ALK: variants seen among roughly 807,000 people sequenced by gnomAD.
ALK encodes the protein ALK receptor tyrosine kinase.
Under a neutral mutation model 163.1 loss-of-function variants are expected in ALK, and 74 were observed. That is an observed-to-expected ratio of 0.45 (90% CI 0.38 to 0.55). ALK has a LOEUF of 0.55. Ranked by LOEUF, ALK falls within the 20% of genes least tolerant of loss-of-function variation. The probability of loss-of-function intolerance (pLI) is 0.00; values close to 1 mark genes in which losing one functional copy is unlikely to be tolerated. For missense variants in ALK, 2,063 were observed against 2,105.3 expected (o/e 0.98, Z 0.39); for synonymous variants, 960 against 843.2 (o/e 1.14, Z -2.40).
At chr2:29,415,105 T>G (rs1669838349) in intron 4 of ALK, among the ~76,000 whole-genome samples, 1 of 150,272 alleles carries the variant, frequency 6.7e-6, no homozygotes, top group African/African-American at 2.5e-5. Flanking sequence ...AGTTTGCAAT[T>G]AAGCTTCTTC....
At chr2:29,710,499 C>CGTGTGTGTGTGTGT (rs55939983) in intron 2 of ALK, among the ~76,000 whole-genome samples, 10 of 144,764 alleles carry the variant, frequency 6.9e-5, no homozygotes, top group South Asian at 2.3e-4. Context: ...AGTCTGTGTG[C>CGTGTGTGTGTGTGT]GTGTGTGTGT....
intron 4 of ALK, among the ~76,000 whole-genome samples, chr2:29,455,094 G>A (rs912466289): frequency 3.3e-5 from 5 of 152,100 alleles, no homozygotes; most frequent in African/African-American, 1.2e-4. Context: ...TCACTTCTTC[G>A]CCCCATCTTT....
chr2:29,531,511 TA>T (rs1362516522), intron 4 of ALK, among the ~76,000 whole-genome samples: 1 of 152,190 alleles, frequency 6.6e-6, no homozygotes, highest in Non-Finnish European at 1.5e-5. Context: ...ATGGCCAAAG[TA>T]CTTTGTCCTT....
At chr2:29,373,215 A>G (rs899254486) in intron 5 of ALK, among the ~76,000 whole-genome samples, 1 of 152,230 alleles carries the variant, frequency 6.6e-6, no homozygotes, top group Non-Finnish European at 1.5e-5. Context: ...TAAAACTAAT[A>G]AATACTTTTG....
intron 1 of ALK, among the ~76,000 whole-genome samples, chr2:29,757,651 A>G (rs1558475148): frequency 6.6e-6 from 1 of 151,946 alleles, no homozygotes; most frequent in Non-Finnish European, 1.5e-5. Context: ...AAGCCATAAT[A>G]AACTTTGGAT....
chr2:29,582,644 G>A (rs898699576), intron 3 of ALK, among the ~76,000 whole-genome samples: 2 of 152,140 alleles, frequency 1.3e-5, no homozygotes, highest in Admixed American at 6.6e-5. Flanking sequence ...TCATTCCGAG[G>A]AACAGGATCT....
chr2:29,240,152 C>CAGAG (rs3054022), intron 12 of ALK, among the ~76,000 whole-genome samples: 5,161 of 143,282 alleles, frequency 0.036, 94 homozygotes, highest in African/African-American at 0.055. Context: ...AGGGAAACAG[C>CAGAG]AGAGAGAGAG....
chr2:29,541,767 C>T (rs949347932), intron 3 of ALK, among the ~76,000 whole-genome samples: 3 of 152,200 alleles, frequency 2.0e-5, no homozygotes, highest in African/African-American at 7.2e-5. Context: ...AAAATCTGCA[C>T]TGATGCAACC....
chr2:29,498,614 C>T lies in ALK; in HGVS notation c.1154+33301G>A, dbSNP rs144728014. 3.7e-3 allele frequency among the ~76,000 whole-genome samples: 567 copies of T among 152,114 alleles called. 5 individuals carry two copies. The highest frequency in any genetic ancestry group is 0.013 in the African/African-American group (526 of 41,512). The stretch of plus-strand genomic sequence containing the variant: ...GGGGAGCAGAGGGGCCCCAATGGAG[C>T]GGGGCTCCACTTGCCAAGCCATGGC... On this transcript the variant is annotated intron_variant, in intron 4 of 28. Transcript: ENST00000389048.
chr2:29,679,377 C>T (rs1677993529), intron 3 of ALK, among the ~76,000 whole-genome samples: 1 of 151,630 alleles, frequency 6.6e-6, no homozygotes, highest in African/African-American at 2.4e-5. Context: ...GCACTGAATA[C>T]TTTTCAGCGT....
rs1215966991 is a variant in ALK, at chr2:29,709,931, T to A, written c.787+7647A>T. On this transcript the variant is annotated intron_variant, in intron 2 of 28. Coordinates refer to ENST00000389048, the MANE Select transcript of ALK (RefSeq NM_004304.5). ...CAACATTCCTTCATCTAAAAATTCC[T>A]CACTTCCTTGGCTTTGCTGTTGATA... 2.6e-5 allele frequency among the ~76,000 whole-genome samples: 4 copies of A among 152,286 alleles called. No homozygotes were observed. In the East Asian group the frequency reaches 7.7e-4, roughly 29 times the overall value.
intron 1 of ALK, among the ~76,000 whole-genome samples, chr2:29,734,229 C>T (rs1013624168): frequency 9.9e-5 from 15 of 152,168 alleles, no homozygotes; most frequent in African/African-American, 3.4e-4. Flanking sequence ...CATTATCCCT[C>T]AACCATGTTC....
At chr2:29,629,781 T>TAG (rs1676304054) in intron 3 of ALK, among the ~76,000 whole-genome samples, 1 of 152,210 alleles carries the variant, frequency 6.6e-6, no homozygotes, top group Non-Finnish European at 1.5e-5. Flanking sequence ...AGACAGTTAT[T>TAG]AGTCTCATTT....
intron 1 of ALK, among the ~76,000 whole-genome samples, chr2:29,811,501 A>G (rs908145214): frequency 6.6e-6 from 1 of 152,204 alleles, no homozygotes; most frequent in Non-Finnish European, 1.5e-5. Flanking sequence ...CTGATTCTAA[A>G]AGCTCTGCAT....
At chr2:29,493,108 CA>C (rs1377117721) in intron 4 of ALK, among the ~76,000 whole-genome samples, 1 of 152,178 alleles carries the variant, frequency 6.6e-6, no homozygotes. Flanking sequence ...TAGTTGATAA[CA>C]GTATTAAGTG....
At chr2:29,377,203 C>T (rs1433332695) in intron 5 of ALK, among the ~76,000 whole-genome samples, 3 of 152,188 alleles carry the variant, frequency 2.0e-5, no homozygotes, top group African/African-American at 7.2e-5. Context: ...TGAGGCCGGG[C>T]GTGGTGGCTC....
chr2:29,566,326 C>A (rs1250658048), intron 3 of ALK, among the ~76,000 whole-genome samples: 1 of 152,208 alleles, frequency 6.6e-6, no homozygotes, highest in African/African-American at 2.4e-5. Context: ...TGCTAGCCTG[C>A]CTCATTTTAT....
chr2:29,629,614 C>T (rs1676298913), intron 3 of ALK, among the ~76,000 whole-genome samples: 1 of 152,200 alleles, frequency 6.6e-6, no homozygotes, highest in African/African-American at 2.4e-5. Flanking sequence ...AAGGCATTTT[C>T]TGTCCACTTA....
intron 1 of ALK, among the ~76,000 whole-genome samples, chr2:29,863,024 C>T (rs1397214050): frequency 6.6e-6 from 1 of 152,150 alleles, no homozygotes; most frequent in East Asian, 1.9e-4. Flanking sequence ...AAAGGATAGT[C>T]TGTCTAAGAA....
Sources: allele counts gnomAD v4.1 joint callset (sites outside exome capture counted in the v4.1 genomes callset), GRCh38; gene constraint gnomAD v4.1.1; transcripts MANE v1.5; gene names NCBI Gene and HGNC (gene_info 2026-07-23, HGNC 2026-07-21).